BBS9: variants seen among roughly 807,000 people sequenced by gnomAD.
BBS9 encodes protein PTHB1.
BBS9 carries 89 observed loss-of-function variants against 117.7 expected under a neutral mutation model. The ratio of observed to expected loss-of-function variants is 0.76; its 90% CI spans 0.64 to 0.90. The LOEUF is 0.90. BBS9 is among the 40% of genes least tolerant of loss of function. The pLI, the probability that BBS9 is intolerant of heterozygous loss-of-function variation, is 0.00. For synonymous variants in BBS9, 379 were observed against 370.9 expected, an observed-to-expected ratio of 1.02 and a Z score of -0.25; for missense variants, 982 against 1,042.2, an observed-to-expected ratio of 0.94 and a Z score of 0.80.
chr7:33,402,478 A>G (rs1242345162), intron 19 of BBS9, among the ~76,000 whole-genome samples: 1 of 152,120 alleles, frequency 6.6e-6, no homozygotes, highest in Non-Finnish European at 1.5e-5. Context: ...CCATTCCCCC[A>G]AAAGCCCCCT....
At chr7:33,239,099 G>C (rs1016021377) in intron 5 of BBS9, among the ~76,000 whole-genome samples, 1 of 152,066 alleles carries the variant, frequency 6.6e-6, no homozygotes, top group African/African-American at 2.4e-5. Flanking sequence ...CATTAGCTGT[G>C]TGTAATATCT....
At chr7:33,340,307 T>G (rs1330420389) in intron 10 of BBS9, among the ~76,000 whole-genome samples, 1 of 152,304 alleles carries the variant, frequency 6.6e-6, no homozygotes, top group Non-Finnish European at 1.5e-5. Flanking sequence ...TAAAAGTTAA[T>G]AGATATATTT....
At chr7:33,538,094 T>G (rs1851742076) in intron 21 of BBS9, among the ~76,000 whole-genome samples, 1 of 152,140 alleles carries the variant, frequency 6.6e-6, no homozygotes, top group African/African-American at 2.4e-5. Context: ...TCCAGGCTGA[T>G]CAGGTGCCTC....
At chr7:33,155,095 G>A (rs4723262) in intron 3 of BBS9, among the ~76,000 whole-genome samples, 24,633 of 152,188 alleles carry the variant, frequency 0.16, 2,137 homozygotes, top group South Asian at 0.21. Context: ...ATTTCTATTT[G>A]AGATTTAGTC....
At chr7:33,377,843 G>A (rs1413084516) in intron 17 of BBS9, among the ~76,000 whole-genome samples, 1 of 152,120 alleles carries the variant, frequency 6.6e-6, no homozygotes, top group East Asian at 1.9e-4. Flanking sequence ...AAATCATTAG[G>A]AATGTGAGGT....
chr7:33,223,310 A>C (rs1022094166), intron 5 of BBS9, among the ~76,000 whole-genome samples: 3 of 148,066 alleles, frequency 2.0e-5, no homozygotes, highest in Non-Finnish European at 4.6e-5. Context: ...AGTGATGAGT[A>C]CATTTAAAAT....
At chr7:33,191,394 C>T (rs977420516) in intron 5 of BBS9, among the ~76,000 whole-genome samples, 1 of 152,100 alleles carries the variant, frequency 6.6e-6, no homozygotes, top group Non-Finnish European at 1.5e-5. Flanking sequence ...TCACCTTTAA[C>T]CTGGTTCTGT....
chr7:33,165,086 T>G (rs745944240), intron 4 of BBS9, among the ~76,000 whole-genome samples: 1 of 152,162 alleles, frequency 6.6e-6, no homozygotes, highest in African/African-American at 2.4e-5. Context: ...CTTCACTTAT[T>G]AAGCTTAGTT....
chr7:33,182,363 G>A (rs1798214694), intron 5 of BBS9, among the ~76,000 whole-genome samples: 1 of 152,142 alleles, frequency 6.6e-6, no homozygotes, highest in Non-Finnish European at 1.5e-5. Flanking sequence ...AGACAGAAGT[G>A]CAGATAAGGT....
chr7:33,310,754 T>C (rs1809040099), intron 9 of BBS9, among the ~76,000 whole-genome samples: 1 of 152,230 alleles, frequency 6.6e-6, no homozygotes, highest in Non-Finnish European at 1.5e-5. Flanking sequence ...GGAATGCTGC[T>C]AAACATCCTG....
chr7:33,480,938 A>G (rs1842445871), intron 19 of BBS9, among the ~76,000 whole-genome samples: 1 of 151,332 alleles, frequency 6.6e-6, no homozygotes, highest in Non-Finnish European at 1.5e-5. Context: ...CCCCACAGCC[A>G]TGTAAGAAAT....
intron 9 of BBS9, among the ~76,000 whole-genome samples, chr7:33,309,556 TGGG>T (rs1334352573): frequency 1.2e-4 from 19 of 152,234 alleles, no homozygotes; most frequent in African/African-American, 3.6e-4. Flanking sequence ...ACAGAGGTGA[TGGG>T]TTAATTATAG....
At chr7:33,321,890 C>T (rs1443693857) in intron 9 of BBS9, among the ~76,000 whole-genome samples, 1 of 151,860 alleles carries the variant, frequency 6.6e-6, no homozygotes, top group Non-Finnish European at 1.5e-5. Flanking sequence ...AGGTATATTC[C>T]TTCTATACCC....
At chr7:33,445,371 T>C (rs17170246) in intron 19 of BBS9, among the ~76,000 whole-genome samples, 26,348 of 152,184 alleles carry the variant, frequency 0.17, 2,519 homozygotes, top group South Asian at 0.21. Context: ...AGCCCTGTTA[T>C]TTTCATAGCA....
intron 22 of BBS9, 88 bp from the exon 23 acceptor site, chr7:33,605,107 C>T: frequency 1.4e-6 from 2 of 1,476,088 alleles, no homozygotes; most frequent in Admixed American, 3.3e-5. Flanking sequence ...CCCCTTAGCA[C>T]TGGTGCAGCT....
At chr7:33,324,754 A>G (rs1164094236) in intron 9 of BBS9, among the ~76,000 whole-genome samples, 1 of 151,966 alleles carries the variant, frequency 6.6e-6, no homozygotes, top group Admixed American at 6.6e-5. Context: ...ATACTATTCT[A>G]GGAAAAAGTC....
intron 18 of BBS9, among the ~76,000 whole-genome samples, chr7:33,387,661 TAA>T (rs1826267698): frequency 6.6e-6 from 1 of 152,208 alleles, no homozygotes; most frequent in Non-Finnish European, 1.5e-5. Context: ...TCTAAACTTT[TAA>T]TCTCTGCATT....
At chr7:33,301,484 T>C (rs1806432163) in intron 9 of BBS9, among the ~76,000 whole-genome samples, 1 of 152,110 alleles carries the variant, frequency 6.6e-6, no homozygotes, top group African/African-American at 2.4e-5. Flanking sequence ...ATTATTTTAA[T>C]TTTTAGCTCC....
At chr7:33,547,531 AT>A (rs1012319669) in intron 21 of BBS9, among the ~76,000 whole-genome samples, 6 of 152,086 alleles carry the variant, frequency 3.9e-5, no homozygotes, top group Non-Finnish European at 2.9e-5. Context: ...TACATGAAAA[AT>A]TTTTTTTAAA....
Sources: allele counts gnomAD v4.1 joint callset (sites outside exome capture counted in the v4.1 genomes callset), GRCh38; gene constraint gnomAD v4.1.1; transcripts MANE v1.5; gene names NCBI Gene and HGNC (gene_info 2026-07-23, HGNC 2026-07-21).